The following DMD variants were observed in gnomAD, a reference collection of about 807,000 sequenced individuals.
DMD encodes the protein mutant dystrophin.
DMD carries 63 observed loss-of-function variants against 330.1 expected under a neutral mutation model. The ratio of observed to expected loss-of-function variants is 0.19; its 90% CI spans 0.16 to 0.24. The LOEUF (loss-of-function observed/expected upper bound fraction) is 0.24. Among genes scored for constraint, DMD ranks in the 10% least tolerant of loss-of-function variants. The pLI, the probability that DMD is intolerant of heterozygous loss-of-function variation, is 1.00. For missense variants in DMD, 3,344 were observed against 2,684.1 expected (o/e 1.25, Z -5.43); for synonymous variants, 1,223 against 959.8 (o/e 1.27, Z -5.07).
In DMD at chrX:32,699,238, G is replaced by A. The variant is rs891143065; in HGVS notation, c.705C>T (p.Leu235=). The change falls in exon 8 of 79, where the codon CTC becomes CTT. Residue 235 remains leucine (L), a synonymous_variant. Transcript: ENST00000357033. The stretch of plus-strand genomic sequence containing the variant: ...TCACTTGTTGAGGCAAAACTTGGAA[G>A]AGTGATGTGATGTACATTAAGATGG... ...KKSILMYITS[L]FQVLPQQVSI... 4 of 1,209,855 alleles carry A rather than the reference G, an allele frequency of 3.3e-6. No individual in the cohort carries two copies. Among genetic ancestry groups the A allele is most frequent in the Non-Finnish European group, 4.5e-6 (4 of 893,887 alleles).
At chrX:32,680,990 C>T (rs1358507988) in intron 9 of DMD, among the ~76,000 whole-genome samples, 1 of 112,326 alleles carries the variant, frequency 8.9e-6, no homozygotes, top group African/African-American at 3.2e-5. Context: ...GATTTCTTCT[C>T]CATACATTTT....
intron 60 of DMD, among the ~76,000 whole-genome samples, chrX:31,387,620 G>A (rs1414598252): frequency 9.0e-6 from 1 of 111,609 alleles, no homozygotes; most frequent in Non-Finnish European, 1.9e-5. Context: ...GGCTGGTCTT[G>A]AACTCCTGAC....
At chrX:32,786,287 C>G (rs1384913894) in intron 7 of DMD, among the ~76,000 whole-genome samples, 1 of 109,500 alleles carries the variant, frequency 9.1e-6, no homozygotes, top group African/African-American at 3.3e-5. Context: ...ACATATGACT[C>G]AAGGTGGGAT....
intron 62 of DMD, among the ~76,000 whole-genome samples, chrX:31,279,501 C>T (rs1383839560): frequency 8.9e-6 from 1 of 111,840 alleles, no homozygotes; most frequent in Non-Finnish European, 1.9e-5. Flanking sequence ...TATGACATGA[C>T]TTGCTTCGGC....
At chrX:32,546,158 C>A (rs2048948110) in intron 16 of DMD, among the ~76,000 whole-genome samples, 1 of 101,511 alleles carries the variant, frequency 9.9e-6, no homozygotes, top group Admixed American at 1.1e-4. Flanking sequence ...AATACATGGG[C>A]ATTACGAGAT....
At chrX:31,138,665 GAGAGAGAGA>G in intron 76 of DMD, among the ~76,000 whole-genome samples, 1 of 92,113 alleles carries the variant, frequency 1.1e-5, no homozygotes, top group African/African-American at 4.3e-5. Flanking sequence ...GAGAGAGAGA[GAGAGAGAGA>G]GAGAGAGAGA....
At chrX:32,336,004 CGTTATATATAACGT>C (rs1569558542) in intron 41 of DMD, among the ~76,000 whole-genome samples, 2 of 29,788 alleles carry the variant, frequency 6.7e-5, no homozygotes, top group Non-Finnish European at 1.6e-4. Flanking sequence ...GTATATATAA[CGTTATATATAACGT>C]GTATATATAA....
chrX:31,692,239 T>C (rs1451336116), intron 52 of DMD, among the ~76,000 whole-genome samples: 7 of 111,207 alleles, frequency 6.3e-5, no homozygotes, highest in Middle Eastern at 4.6e-3. Flanking sequence ...AAACACAACA[T>C]AGAAAAACTT....
intron 7 of DMD, among the ~76,000 whole-genome samples, chrX:32,727,243 T>A (rs1192345153): frequency 2.7e-5 from 3 of 111,550 alleles, no homozygotes; most frequent in African/African-American, 6.5e-5. Flanking sequence ...CTGCCCAGAT[T>A]GGCTTAGATT....
At chrX:33,271,117 T>C (rs2053147378) in intron 1 of DMD, among the ~76,000 whole-genome samples, 2 of 111,666 alleles carry the variant, frequency 1.8e-5, no homozygotes, top group Non-Finnish European at 3.8e-5. Flanking sequence ...AAAGTAACTG[T>C]ATAGCATTTG....
chrX:32,803,427 GTTT>G (rs373415501), intron 7 of DMD, among the ~76,000 whole-genome samples: 5 of 100,400 alleles, frequency 5.0e-5, no homozygotes, highest in Admixed American at 1.1e-4. Flanking sequence ...CCTGAATTGA[GTTT>G]TTTTTTTTTA....
chrX:31,725,932 A>G (rs1208296930), intron 52 of DMD, among the ~76,000 whole-genome samples: 1 of 112,560 alleles, frequency 8.9e-6, no homozygotes, highest in Admixed American at 9.4e-5. Flanking sequence ...CACGAACAAG[A>G]GTTTCATGTA....
chrX:32,456,768 T>C (rs58133832), intron 25 of DMD, among the ~76,000 whole-genome samples: 3,598 of 108,427 alleles, frequency 0.033, 171 homozygotes, highest in African/African-American at 0.11. Context: ...GGGATTTGGC[T>C]TGAATAAGTG....
chrX:31,531,827 A>G (rs1005861966), intron 55 of DMD, among the ~76,000 whole-genome samples: 2 of 102,342 alleles, frequency 2.0e-5, no homozygotes, highest in Non-Finnish European at 3.9e-5. Context: ...CTCGAGAACT[A>G]CGTGAAGAAT....
chrX:32,627,369 A>C (rs2058420689), intron 11 of DMD, among the ~76,000 whole-genome samples: 1 of 104,205 alleles, frequency 9.6e-6, no homozygotes, highest in African/African-American at 4.1e-5. Context: ...TCTATTATGT[A>C]CCCCCAGAAA....
chrX:32,756,958 C>T (rs924900375), intron 7 of DMD, among the ~76,000 whole-genome samples: 5 of 111,721 alleles, frequency 4.5e-5, no homozygotes, highest in African/African-American at 6.5e-5. Context: ...ACATGAAATT[C>T]TCTTCAAGAC....
At chrX:33,111,624 G>A (rs192338779) in intron 1 of DMD, among the ~76,000 whole-genome samples, 4 of 111,634 alleles carry the variant, frequency 3.6e-5, no homozygotes, top group South Asian at 3.7e-4. Context: ...TTTTTGAGAC[G>A]AAGTTTCATT....
chrX:33,324,776 G>T (rs1257857360), intron 1 of DMD, among the ~76,000 whole-genome samples: 1 of 111,628 alleles, frequency 9.0e-6, no homozygotes, highest in Non-Finnish European at 1.9e-5. Flanking sequence ...CAGCACAAAT[G>T]AATATCAACA....
At chrX:32,807,430 C>T (rs1053549877) in intron 7 of DMD, among the ~76,000 whole-genome samples, 6 of 111,059 alleles carry the variant, frequency 5.4e-5, no homozygotes, top group Non-Finnish European at 1.1e-4. Context: ...ATTGGGAAAA[C>T]GAGACCATAA....
Sources: gnomAD v4.1 joint callset for allele counts (sites outside exome capture counted in the v4.1 genomes callset) on GRCh38, gnomAD v4.1.1 for gene constraint, MANE v1.5 for transcripts, NCBI Gene and HGNC (gene_info 2026-07-23, HGNC 2026-07-21) for gene names.